ABLIM3: variants seen among roughly 807,000 people sequenced by gnomAD.
ABLIM3 encodes the protein actin-binding LIM protein 3.
Under a neutral mutation model 109.5 loss-of-function variants are expected in ABLIM3, and 61 were observed. That is an observed-to-expected ratio of 0.56 (90% CI 0.45 to 0.69). The LOEUF is 0.69. Ranked by LOEUF, ABLIM3 falls within the 30% of genes least tolerant of loss-of-function variation. The pLI, the probability that ABLIM3 is intolerant of heterozygous loss-of-function variation, is 0.00. For missense variants in ABLIM3, 796 were observed against 889.5 expected (o/e 0.89, Z 1.34); for synonymous variants, 300 against 324.8 (o/e 0.92, Z 0.82).
rs892227554 is a variant in ABLIM3 at position 149,160,573 on chromosome 5, G to A, written c.13+18465G>A. 3.3e-5 allele frequency among the ~76,000 whole-genome samples: 5 copies of A among 152,262 alleles called. No homozygotes were observed. The East Asian group carries it at 9.6e-4, about 29-fold the overall frequency. ...TTTGTAACCTACTTGTGCTGATTTG[G>A]GACTTTCTGCTTGGAGCCAGGTCTT... On this transcript the variant is annotated intron_variant, in intron 2 of 23. Transcript: ENST00000309868.
intron 6 of ABLIM3, among the ~76,000 whole-genome samples, chr5:149,208,680 A>G (rs922897078): frequency 6.6e-6 from 1 of 152,212 alleles, no homozygotes; most frequent in African/African-American, 2.4e-5. Context: ...CCCTAGAGCC[A>G]GAGAGCAGCC....
At chr5:149,213,792 A>G (rs982772683) in intron 7 of ABLIM3, among the ~76,000 whole-genome samples, 1 of 150,288 alleles carries the variant, frequency 6.7e-6, no homozygotes, top group Non-Finnish European at 1.5e-5. Flanking sequence ...ACAAGGCTCC[A>G]TTAGCATCTT....
intron 3 of ABLIM3, among the ~76,000 whole-genome samples, chr5:149,183,927 G>A (rs1239703297): frequency 1.3e-5 from 2 of 151,510 alleles, no homozygotes; most frequent in African/African-American, 2.4e-5. Context: ...AACTATCTTG[G>A]ATAAAATTCA....
chr5:149,169,617 G>T (rs1279969422), intron 2 of ABLIM3, among the ~76,000 whole-genome samples: 1 of 152,220 alleles, frequency 6.6e-6, no homozygotes, highest in Non-Finnish European at 1.5e-5. Flanking sequence ...CTGCTCAGGG[G>T]AGAGTAAACA....
chr5:149,251,519 T>C (rs1413391602), intron 21 of ABLIM3, 100 bp downstream of exon 21: 22 of 1,381,926 alleles, frequency 1.6e-5, no homozygotes, highest in Non-Finnish European at 2.1e-5. Flanking sequence ...ACAGATTCTG[T>C]CCCCACGCTG....
chr5:149,190,075 C>A (rs564194427), intron 3 of ABLIM3, among the ~76,000 whole-genome samples: 1 of 152,212 alleles, frequency 6.6e-6, no homozygotes, highest in East Asian at 1.9e-4. Flanking sequence ...TGGGAATAAA[C>A]CTTGAAAACA....
At chr5:149,213,769 T>C (rs572621187) in intron 7 of ABLIM3, among the ~76,000 whole-genome samples, 24 of 152,244 alleles carry the variant, frequency 1.6e-4, no homozygotes, top group Admixed American at 7.2e-4. Context: ...GAGTTTCGAT[T>C]GATCCCATTT....
intron 18 of ABLIM3, among the ~76,000 whole-genome samples, chr5:149,248,836 A>G (rs1404370504): frequency 6.7e-6 from 1 of 149,656 alleles, no homozygotes; most frequent in Non-Finnish European, 1.5e-5. Context: ...TGAAAATCTC[A>G]TTGCAAGCTC....
chr5:149,185,629 G>A (rs984733100), intron 3 of ABLIM3, among the ~76,000 whole-genome samples: 37 of 152,262 alleles, frequency 2.4e-4, no homozygotes, highest in African/African-American at 8.7e-4. Context: ...GAAAAAAATA[G>A]ACCAATATTT....
chr5:149,246,928 G>C (rs776141084), intron 17 of ABLIM3, among the ~76,000 whole-genome samples: 51 of 152,160 alleles, frequency 3.4e-4, no homozygotes, highest in Admixed American at 7.9e-4. Flanking sequence ...ATTACCACAT[G>C]ATCCAGCAAT....
At chr5:149,212,360 G>C (rs1307724616) in intron 7 of ABLIM3, among the ~76,000 whole-genome samples, 1 of 152,182 alleles carries the variant, frequency 6.6e-6, no homozygotes, top group Non-Finnish European at 1.5e-5. Context: ...GGGATACCAG[G>C]GTGGAGTTTG....
intron 21 of ABLIM3, 63 bp from the exon 22 acceptor site, chr5:149,252,138 A>G (rs1753986083): frequency 6.3e-7 from 1 of 1,597,726 alleles, no homozygotes; most frequent in Non-Finnish European, 8.6e-7. Context: ...AGGCCTGTGT[A>G]GTGATGCAAA....
chr5:149,227,345 G>T (rs1258655806), intron 8 of ABLIM3, among the ~76,000 whole-genome samples: 2 of 152,152 alleles, frequency 1.3e-5, no homozygotes, highest in African/African-American at 2.4e-5. Flanking sequence ...TTCATAGTAG[G>T]TTTTAACTGC....
intron 2 of ABLIM3, among the ~76,000 whole-genome samples, chr5:149,172,661 C>T (rs938524641): frequency 1.3e-5 from 2 of 152,204 alleles, no homozygotes; most frequent in Non-Finnish European, 2.9e-5. Flanking sequence ...AGATAGGCCT[C>T]CTTGGAACTT....
chr5:149,181,590 C>T (rs1168484766), intron 2 of ABLIM3, among the ~76,000 whole-genome samples: 1 of 152,194 alleles, frequency 6.6e-6, no homozygotes, highest in Non-Finnish European at 1.5e-5. Context: ...CAGTGCTAAG[C>T]AATCAGCTCT....
rs894763395 is a variant in ABLIM3, at chr5:149,210,745, G to A, written c.595G>A (p.Glu199Lys). 1 of 1,613,962 alleles carries A rather than the reference G, an allele frequency of 6.2e-7. No individual in the cohort carries two copies. The highest frequency in any genetic ancestry group is 1.7e-5 in the Admixed American group (1 of 59,996). Residue 199 changes from glutamate to lysine, a missense_variant, in exon 7 of 24, where the codon GAG (glutamate) becomes AAG (lysine). Transcript: ENST00000309868. ...YISKDGVPYC[E>K]SDYHAQFGIK... ...TTGCAGGGATGGTGTTCCATACTGT[G>A]AGTCCGACTACCATGCCCAGTTTGG...
chr5:149,175,601 A>G (rs561856654), intron 2 of ABLIM3, among the ~76,000 whole-genome samples: 1 of 152,260 alleles, frequency 6.6e-6, no homozygotes, highest in South Asian at 2.1e-4. Flanking sequence ...GCAGAGGAGG[A>G]AAGAAGAGAG....
intron 2 of ABLIM3, among the ~76,000 whole-genome samples, chr5:149,162,588 C>A (rs762712574): frequency 2.8e-4 from 43 of 152,170 alleles, no homozygotes; most frequent in Non-Finnish European, 5.6e-4. Flanking sequence ...CCCGTCAGAG[C>A]AGGTGACTCA....
rs113310955 is a variant in ABLIM3, at chr5:149,183,609, C to A, written c.151+20C>A. The A allele has an allele frequency of 1.3e-6, 2 of 1,508,240 alleles. No individual in the cohort carries two copies. The highest frequency in any genetic ancestry group is 1.3e-5 in the South Asian group (1 of 74,308). 93.4% of individuals were successfully genotyped at this position (1,508,240 alleles called of 1,614,324 possible). ...GTCAAGGTAGGAGGCTCAGCTCCCC[C>A]ACTCTCTTCTTAGATTCCTGACCAT... On this transcript the variant is annotated intron_variant, in intron 3 of 23. Transcript: ENST00000309868.
Sources: gnomAD v4.1 joint callset for allele counts (sites outside exome capture counted in the v4.1 genomes callset) on GRCh38, gnomAD v4.1.1 for gene constraint, MANE v1.5 for transcripts, NCBI Gene and HGNC (gene_info 2026-07-23, HGNC 2026-07-21) for gene names.